PCDH15: variants seen among roughly 807,000 people sequenced by gnomAD.
The protein encoded by PCDH15 is protocadherin-15.
In PCDH15, 129 loss-of-function variants were observed where a neutral mutation model predicts 178.5. The observed-to-expected ratio is 0.72, with a 90% CI of 0.63 to 0.84. The LOEUF is 0.84. Among genes scored for constraint, PCDH15 ranks in the 40% least tolerant of loss-of-function variants. The pLI is 0.00. For synonymous variants in PCDH15, 800 were observed against 732.0 expected (o/e 1.09, Z -1.50); for missense variants, 2,230 against 2,099.9 (o/e 1.06, Z -1.21).
intron 2 of PCDH15, among the ~76,000 whole-genome samples, chr10:55,526,321 G>C (rs1187202949): frequency 6.6e-6 from 1 of 151,924 alleles, no homozygotes; most frequent in Non-Finnish European, 1.5e-5. Context: ...CCAATACGTA[G>C]AAAACAGGAT....
chr10:54,527,972 G>GA (rs2083521700), intron 2 of PCDH15, 95 bp from the exon 3 acceptor site: 3 of 980,950 alleles, frequency 3.1e-6, no homozygotes, highest in Non-Finnish European at 4.8e-6. Flanking sequence ...ATTTAAAAAG[G>GA]AAAATCTTGC....
At chr10:55,223,485 T>C (rs533578275) in intron 1 of PCDH15, among the ~76,000 whole-genome samples, 1 of 152,150 alleles carries the variant, frequency 6.6e-6, no homozygotes, top group Non-Finnish European at 1.5e-5. Flanking sequence ...TATGACTATA[T>C]TGAAAGAGTT....
Position 54,020,354 on chromosome 10 carries a change from G to A in PCDH15, c.2589C>T (p.His863=), listed in dbSNP as rs1212545687. The A allele has an allele frequency of 6.2e-7, 1 of 1,613,782 alleles. No homozygotes were observed. The highest frequency in any genetic ancestry group is 1.7e-5 in the Admixed American group (1 of 59,964). The change falls in exon 20 of 38, where the codon CAC becomes CAT. Residue 863 remains histidine (H), a synonymous_variant. Coordinates refer to ENST00000644397, the MANE Select transcript of PCDH15 (RefSeq NM_001384140.1). ...CTGTAAATGGATGTAGTGCAAAAAA[G>A]TGCTTCACTTCTGGGCTTCTTATCC... ...SYRIRSPEVK[H]FFALHPFTGE... is the part of the protein sequence containing the mutation.
intron 3 of PCDH15, among the ~76,000 whole-genome samples, chr10:54,382,427 C>G (rs1949355660): frequency 6.6e-6 from 1 of 152,260 alleles, no homozygotes; most frequent in Non-Finnish European, 1.5e-5. Context: ...GATCTTCTCA[C>G]ATAGCTAGCC....
chr10:54,930,704 T>G (rs1156946939), intron 2 of PCDH15, among the ~76,000 whole-genome samples: 1 of 152,206 alleles, frequency 6.6e-6, no homozygotes, highest in Non-Finnish European at 1.5e-5. Flanking sequence ...TGTTTACATA[T>G]TAACATGATA....
At chr10:54,839,996 AAC>A (rs1319653714) in intron 3 of PCDH15, among the ~76,000 whole-genome samples, 4 of 152,042 alleles carry the variant, frequency 2.6e-5, no homozygotes, top group Non-Finnish European at 2.9e-5. Flanking sequence ...AACACACATG[AAC>A]ACACACACAA....
intron 6 of PCDH15, among the ~76,000 whole-genome samples, chr10:54,330,917 T>C (rs1939393944): frequency 6.6e-6 from 1 of 151,856 alleles, no homozygotes; most frequent in Non-Finnish European, 1.5e-5. Flanking sequence ...GTGCTTGTGA[T>C]TTTTTTGTGA....
chr10:55,583,977 A>C (rs2132123687), intron 2 of PCDH15, among the ~76,000 whole-genome samples: 1 of 152,130 alleles, frequency 6.6e-6, no homozygotes, highest in East Asian at 1.9e-4. Context: ...TCCCAGGCTG[A>C]AGTGATCTTC....
chr10:54,388,364 C>A (rs1950160764), intron 3 of PCDH15, among the ~76,000 whole-genome samples: 1 of 152,090 alleles, frequency 6.6e-6, no homozygotes, highest in Non-Finnish European at 1.5e-5. Flanking sequence ...GACAAGAAAG[C>A]CAAAATTATT....
upstream of PCDH15, among the ~76,000 whole-genome samples, chr10:55,320,648 C>T (rs1050762820): frequency 3.3e-5 from 5 of 152,084 alleles, no homozygotes; most frequent in African/African-American, 1.2e-4. Context: ...ATGCCACCCC[C>T]CCCAGAATTA....
At chr10:54,756,668 G>T (rs10128496) in intron 1 of PCDH15, among the ~76,000 whole-genome samples, 76,044 of 151,800 alleles carry the variant, frequency 0.5, 19,600 homozygotes, top group Middle Eastern at 0.68. Flanking sequence ...TCATTTATGT[G>T]AGCGTGTGTA....
rs149766179 is a variant in PCDH15 at position 55,270,008 on chromosome 10, C to A, written c.-156+49591G>T. On this transcript the variant is annotated intron_variant, in intron 1 of 5. Transcript: ENST00000458638. ...TTACAACTATCAGATCTTTCACAAG[C>A]CTGACAAAAACAAGCAATGAGGAAA... is the stretch of plus-strand genomic sequence containing the variant. Among the ~76,000 whole-genome samples, 558 of 152,152 alleles carry A rather than the reference C, an allele frequency of 3.7e-3. 2 individuals carry two copies. The highest frequency in any genetic ancestry group is 0.012 in the African/African-American group (514 of 41,510).
At chr10:55,202,740 T>C (rs994718269) in intron 1 of PCDH15, among the ~76,000 whole-genome samples, 1 of 152,132 alleles carries the variant, frequency 6.6e-6, no homozygotes, top group Non-Finnish European at 1.5e-5. Flanking sequence ...GAAGAAATCA[T>C]GGGTTTCCCC....
At chr10:55,492,745 GA>G (rs946724579) in intron 2 of PCDH15, among the ~76,000 whole-genome samples, 2 of 151,652 alleles carry the variant, frequency 1.3e-5, no homozygotes, top group African/African-American at 2.4e-5. Flanking sequence ...AGGTTCAGCA[GA>G]AAAAACTTCA....
intron 3 of PCDH15, among the ~76,000 whole-genome samples, chr10:54,522,048 G>A (rs563657822): frequency 9.0e-5 from 12 of 133,338 alleles, no homozygotes; most frequent in Middle Eastern, 4.7e-3. Flanking sequence ...AGATCACGCC[G>A]CTGCATTCCA....
At chr10:55,015,186 A>G (rs1591836528) in intron 2 of PCDH15, among the ~76,000 whole-genome samples, 2 of 152,222 alleles carry the variant, frequency 1.3e-5, no homozygotes, top group Middle Eastern at 6.8e-3. Flanking sequence ...CCAAGATCCC[A>G]CCACATTTTA....
intron 1 of PCDH15, among the ~76,000 whole-genome samples, chr10:54,690,679 A>G (rs1395603152): frequency 6.6e-6 from 1 of 152,124 alleles, no homozygotes; most frequent in African/African-American, 2.4e-5. Flanking sequence ...GAGTATTTGA[A>G]TTTTGCATTT....
intron 25 of PCDH15, among the ~76,000 whole-genome samples, chr10:53,925,685 C>T (rs536173576): frequency 6.6e-6 from 1 of 152,272 alleles, no homozygotes; most frequent in East Asian, 1.9e-4. Flanking sequence ...CCTTTATTTC[C>T]ATATTTCCTT....
rs191827008 is a variant in PCDH15, at chr10:54,310,676, T to C, written c.876+6595A>G. ...AGTTAGAAGACTTATCTACAACAAA[T>C]ACATAATCCCTATTTGAGGAAAAAT... On this transcript the variant is annotated intron_variant, in intron 8 of 37. Coordinates refer to ENST00000644397, the MANE Select transcript of PCDH15 (RefSeq NM_001384140.1). Among the ~76,000 whole-genome samples the C allele has an allele frequency of 1.6e-3, 238 of 152,110 alleles. 1 individual carries two copies. The highest frequency in any genetic ancestry group is 3.4e-3 in the African/African-American group (142 of 41,504).
Sources: allele counts gnomAD v4.1 joint callset (sites outside exome capture counted in the v4.1 genomes callset), GRCh38; gene constraint gnomAD v4.1.1; transcripts MANE v1.5; gene names NCBI Gene and HGNC (gene_info 2026-07-23, HGNC 2026-07-21).